SDCCAG8: variants seen among roughly 807,000 people sequenced by gnomAD.
SDCCAG8 encodes serologically defined colon cancer antigen 8.
Under a neutral mutation model 101.8 loss-of-function variants are expected in SDCCAG8, and 74 were observed. The observed-to-expected ratio is 0.73, with a 90% CI of 0.60 to 0.88. The LOEUF (loss-of-function observed/expected upper bound fraction) is 0.88. SDCCAG8 is among the 40% of genes least tolerant of loss of function. SDCCAG8 has a pLI of 0.00. For synonymous variants in SDCCAG8, 281 were observed against 292.9 expected, an observed-to-expected ratio of 0.96 and a Z score of 0.41; for missense variants, 787 against 822.6, an observed-to-expected ratio of 0.96 and a Z score of 0.53.
At chr1:243,498,683 G>A (rs1165855739) in intron 17 of SDCCAG8, among the ~76,000 whole-genome samples, 1 of 152,214 alleles carries the variant, frequency 6.6e-6, no homozygotes, top group Non-Finnish European at 1.5e-5. Flanking sequence ...TCTCTTGAAT[G>A]CGGATTCAGT....
rs768681122 is a variant in SDCCAG8 at position 243,480,455 on chromosome 1, G to GGGAT, written c.1986-8528_1986-8525dup. On this transcript the variant is annotated intron_variant, in intron 16 of 17. Transcript: ENST00000366541. ...GTGGATGGGTGGGATGGATGAATGG[G>GGGAT]GGATGGATGGATGGATGGATGGATG... Among the ~76,000 whole-genome samples, 73 of 69,070 alleles carry GGGAT rather than the reference G, an allele frequency of 1.1e-3. 2 individuals carry two copies. The highest frequency in any genetic ancestry group is 9.8e-4 in the Non-Finnish European group (34 of 34,622). The allele number at this position is 69,070 out of a possible 152,430, so 45.3% of individuals were successfully genotyped here. A position where few individuals can be genotyped will look rare whatever the true frequency, so the allele number is the denominator to read the frequency against.
At chr1:243,270,790 C>A (rs867599805) in intron 2 of SDCCAG8, among the ~76,000 whole-genome samples, 188 bp from the exon 3 acceptor site, 16 of 151,662 alleles carry the variant, frequency 1.1e-4, no homozygotes, top group African/African-American at 3.2e-4. Flanking sequence ...CTCTTCCTTG[C>A]TAGATTCTTA....
rs143613144 is a variant in SDCCAG8 at position 243,333,761 on chromosome 1, AATG to A, written c.1221+3076_1221+3078del. The stretch of plus-strand genomic sequence containing the variant: ...TGAATTCATATTCTTGATTTGGGAG[AATG>A]ATGATGTGTGCTTTTTACATTACTC... On this transcript the variant is annotated intron_variant, in intron 10 of 17. Coordinates refer to ENST00000366541, the MANE Select transcript of SDCCAG8 (RefSeq NM_006642.5). Among the ~76,000 whole-genome samples, 985 of 152,082 alleles carry A rather than the reference AATG, an allele frequency of 6.5e-3. 6 individuals carry two copies. The highest frequency in any genetic ancestry group is 9.4e-3 in the Non-Finnish European group (642 of 67,982).
At chr1:243,389,158 C>T (rs560916002) in intron 13 of SDCCAG8, among the ~76,000 whole-genome samples, 9 of 149,230 alleles carry the variant, frequency 6.0e-5, no homozygotes, top group African/African-American at 1.5e-4. Flanking sequence ...CCTCCCCCCC[C>T]CAAAAAAAAA....
intron 6 of SDCCAG8, among the ~76,000 whole-genome samples, chr1:243,294,526 A>AGAGAGAGAGAGAGAGAGAGAGAGC (rs1553298249): frequency 6.8e-6 from 1 of 147,556 alleles, no homozygotes; most frequent in Non-Finnish European, 1.5e-5. Context: ...AGAGAGAGAG[A>AGAGAGAGAGAGAGAGAGAGAGAGC]ACAACCCACC....
At chr1:243,344,114 A>G (rs1190359850) in intron 11 of SDCCAG8, 101 bp from the exon 12 acceptor site, 8 of 915,966 alleles carry the variant, frequency 8.7e-6, no homozygotes, top group African/African-American at 3.3e-5. Context: ...GTTTTGTTGT[A>G]TTTTATCTAT....
At chr1:243,495,461 CA>C (rs749511803) in intron 17 of SDCCAG8, among the ~76,000 whole-genome samples, 3 of 152,212 alleles carry the variant, frequency 2.0e-5, no homozygotes, top group Non-Finnish European at 4.4e-5. Flanking sequence ...AGGCTGTTAT[CA>C]GGGGCCCAGC....
intron 16 of SDCCAG8, among the ~76,000 whole-genome samples, chr1:243,466,497 A>C (rs553788183): frequency 6.6e-6 from 1 of 152,344 alleles, no homozygotes; most frequent in Non-Finnish European, 1.5e-5. Context: ...TTTTAGGGCA[A>C]GCTACTTAAC....
At chr1:243,390,343 C>A (rs930193963) in intron 13 of SDCCAG8, among the ~76,000 whole-genome samples, 1 of 152,158 alleles carries the variant, frequency 6.6e-6, no homozygotes. Context: ...TTTTAAATTG[C>A]GTCCTCTTTT....
At chr1:243,284,212 A>C (rs1244675649) in intron 4 of SDCCAG8, among the ~76,000 whole-genome samples, 1 of 152,166 alleles carries the variant, frequency 6.6e-6, no homozygotes, top group African/African-American at 2.4e-5. Context: ...AAAGGAACTG[A>C]GGTAAGTAGG....
chr1:243,475,340 C>G (rs1662192587), intron 16 of SDCCAG8, among the ~76,000 whole-genome samples: 1 of 152,188 alleles, frequency 6.6e-6, no homozygotes, highest in African/African-American at 2.4e-5. Flanking sequence ...CCAGCAGGTG[C>G]TCACCAGGAG....
intron 15 of SDCCAG8, 77 bp downstream of exon 15, chr1:243,418,153 GCA>G: frequency 9.8e-7 from 1 of 1,018,840 alleles, no homozygotes; most frequent in Non-Finnish European, 1.5e-6. Flanking sequence ...AACATCATTT[GCA>G]CTGTTTTATA....
chr1:243,352,592 T>A (rs986966142), intron 12 of SDCCAG8, among the ~76,000 whole-genome samples: 10 of 152,220 alleles, frequency 6.6e-5, no homozygotes, highest in African/African-American at 2.2e-4. Context: ...CAACTACATA[T>A]GCTTTCTTTT....
At chr1:243,343,215 TG>T (rs922344163) in intron 11 of SDCCAG8, among the ~76,000 whole-genome samples, 4 of 152,242 alleles carry the variant, frequency 2.6e-5, no homozygotes, top group African/African-American at 9.6e-5. Context: ...TCATTATTTT[TG>T]GAGAAATACC....
chr1:243,311,621 G>T (rs2072732943), intron 8 of SDCCAG8, among the ~76,000 whole-genome samples: 1 of 151,974 alleles, frequency 6.6e-6, no homozygotes. Flanking sequence ...AGGTAGTCTA[G>T]CAAAACTAAT....
intron 16 of SDCCAG8, among the ~76,000 whole-genome samples, chr1:243,447,267 A>AC (rs1259001892): frequency 2.0e-5 from 3 of 150,796 alleles, no homozygotes; most frequent in African/African-American, 4.9e-5. Flanking sequence ...AAAAAAAAAA[A>AC]AAAAAAAAAC....
Position 243,316,899 on chromosome 1 carries a change from T to C in SDCCAG8, c.1068+6T>C. The C allele has an allele frequency of 6.2e-7, 1 of 1,613,756 alleles. No homozygotes were observed. On this transcript the variant is annotated splice_donor_region_variant and intron_variant, in intron 9 of 17. Transcript: ENST00000366541. ...CCAATTTTGAAAAAACCAAGGCAAG[T>C]CTAATAAGATGCAAATAAAAGTGTC...
intron 17 of SDCCAG8, among the ~76,000 whole-genome samples, chr1:243,497,259 A>G (rs955643880): frequency 1.1e-4 from 16 of 142,526 alleles, no homozygotes; most frequent in Non-Finnish European, 2.1e-4. Context: ...CAAAACGGTG[A>G]CCTCCTAGGA....
intron 16 of SDCCAG8, among the ~76,000 whole-genome samples, chr1:243,427,706 C>T (rs1301827025): frequency 2.0e-5 from 3 of 152,030 alleles, no homozygotes; most frequent in Non-Finnish European, 2.9e-5. Flanking sequence ...GGTATTTTTA[C>T]GTTGATTACT....
Sources: gnomAD v4.1 joint callset for allele counts (sites outside exome capture counted in the v4.1 genomes callset) on GRCh38, gnomAD v4.1.1 for gene constraint, MANE v1.5 for transcripts, NCBI Gene and HGNC (gene_info 2026-07-23, HGNC 2026-07-21) for gene names.